Variants in CEP63 observed in about 807,000 individuals in gnomAD.
The protein encoded by CEP63 is centrosomal protein 63, also known as centrosomal protein of 63 kDa.
CEP63 carries 84 observed loss-of-function variants against 89.1 expected under a neutral mutation model. The ratio of observed to expected loss-of-function variants is 0.94; its 90% CI spans 0.79 to 1.13. CEP63 has a LOEUF of 1.13. Among genes scored for constraint, CEP63 ranks in the 50% most tolerant of loss-of-function variants. CEP63 has a pLI of 0.00. For missense variants in CEP63, 838 were observed against 813.3 expected (o/e 1.03, Z -0.37); for synonymous variants, 267 against 272.5 (o/e 0.98, Z 0.20).
At chr3:134,730,843 A>T in the CEP63 span, among the ~76,000 whole-genome samples, 1 of 152,120 alleles carries the variant, frequency 6.6e-6, no homozygotes, top group African/African-American at 2.4e-5. Context: ...AAATTTTAAA[A>T]CTCATTATAC....
At chr3:134,754,432 G>T in the CEP63 span, among the ~76,000 whole-genome samples, 1 of 152,214 alleles carries the variant, frequency 6.6e-6, no homozygotes, top group Non-Finnish European at 1.5e-5. Flanking sequence ...TGTGAGGAGG[G>T]TCTCCTCTTG....
chr3:134,547,561 T>TA (rs377327281), intron 9 of CEP63, 89 bp downstream of exon 9: 15,088 of 1,099,560 alleles, frequency 0.014, 138 homozygotes, highest in Non-Finnish European at 0.017. Context: ...ATAGTCATAG[T>TA]AAAAAAAATA....
chr3:134,537,273 G>T lies in CEP63; in HGVS notation c.555+5G>T. 2 of 1,564,136 alleles carry T rather than the reference G, an allele frequency of 1.3e-6. No individual in the cohort carries two copies. The highest frequency in any genetic ancestry group is 1.8e-6 in the Non-Finnish European group (2 of 1,134,250). On this transcript the variant is annotated splice_donor_5th_base_variant and intron_variant, in intron 6 of 14. Coordinates refer to ENST00000675561, the MANE Select transcript of CEP63 (RefSeq NM_001353108.3). The stretch of plus-strand genomic sequence containing the variant: ...GAACAATCAGAGATAATTCAGGTAG[G>T]CCTAAGACTTTTTAAAATAATGAGA...
chr3:134,508,136 T>G (rs1046092762), intron 3 of CEP63, among the ~76,000 whole-genome samples: 3 of 152,204 alleles, frequency 2.0e-5, no homozygotes, highest in Non-Finnish European at 4.4e-5. Context: ...TTGAGAAAAC[T>G]TATTAAGAAT....
chr3:134,761,605 C>A, the CEP63 span, among the ~76,000 whole-genome samples: 1 of 152,192 alleles, frequency 6.6e-6, no homozygotes, highest in African/African-American at 2.4e-5. Flanking sequence ...CCACTCGCCA[C>A]CCTGGGCAAT....
At chr3:134,618,673 G>A in the CEP63 span, among the ~76,000 whole-genome samples, 4 of 152,134 alleles carry the variant, frequency 2.6e-5, no homozygotes, top group Admixed American at 1.3e-4. Context: ...GGAGCCCAGC[G>A]ACTCCAAGAG....
At chr3:134,684,405 G>A in the CEP63 span, among the ~76,000 whole-genome samples, 1 of 152,210 alleles carries the variant, frequency 6.6e-6, no homozygotes, top group Admixed American at 6.5e-5. Context: ...CTTAAGCACA[G>A]GCTCCTTCCT....
the CEP63 span, chr3:134,651,375 G>C: frequency 1.8e-6 from 2 of 1,123,008 alleles, no homozygotes; most frequent in Non-Finnish European, 2.2e-6. Flanking sequence ...GAGGGTTCTC[G>C]AGAGGGCTGG....
At chr3:134,643,466 G>T in the CEP63 span, 1 of 1,163,622 alleles carries the variant, frequency 8.6e-7, no homozygotes, top group Non-Finnish European at 1.3e-6. Flanking sequence ...TGCGGGAAAG[G>T]TGGGCTGGCG....
the CEP63 span, among the ~76,000 whole-genome samples, chr3:134,681,574 G>T: frequency 6.6e-6 from 1 of 152,218 alleles, no homozygotes; most frequent in African/African-American, 2.4e-5. Context: ...AAGGACTACT[G>T]TGAAGCTATG....
chr3:134,502,960 AT>A (rs1942427960), intron 2 of CEP63, among the ~76,000 whole-genome samples: 1 of 151,978 alleles, frequency 6.6e-6, no homozygotes, highest in Non-Finnish European at 1.5e-5. Context: ...GAATTTTTTC[AT>A]ATCTGCCTTT....
At chr3:134,711,583 T>C in the CEP63 span, among the ~76,000 whole-genome samples, 51 of 152,300 alleles carry the variant, frequency 3.3e-4, no homozygotes, top group African/African-American at 1.1e-3. Flanking sequence ...TTTGAGACTC[T>C]GAATGTTTGA....
At chr3:134,637,322 T>C in the CEP63 span, among the ~76,000 whole-genome samples, 1 of 152,250 alleles carries the variant, frequency 6.6e-6, no homozygotes, top group Admixed American at 6.5e-5. Context: ...ATGGGCCTGT[T>C]CTTTTCCTTT....
At chr3:134,614,320 G>T in the CEP63 span, among the ~76,000 whole-genome samples, 2 of 152,010 alleles carry the variant, frequency 1.3e-5, no homozygotes, top group African/African-American at 2.4e-5. Context: ...CAGAATCTTC[G>T]CTTCTACTTT....
chr3:134,520,623 T>G (rs1947234596), intron 3 of CEP63, among the ~76,000 whole-genome samples: 1 of 152,128 alleles, frequency 6.6e-6, no homozygotes, highest in African/African-American at 2.4e-5. Context: ...GCACTTAGGG[T>G]ACTAGAAAAC....
the CEP63 span, among the ~76,000 whole-genome samples, chr3:134,593,560 C>T: frequency 6.6e-6 from 1 of 152,172 alleles, no homozygotes; most frequent in South Asian, 2.1e-4. Context: ...GGGGCTGAGC[C>T]ACAGGCTTCC....
chr3:134,759,185 C>A, the CEP63 span, among the ~76,000 whole-genome samples: 257 of 152,254 alleles, frequency 1.7e-3, 1 homozygote, highest in Non-Finnish European at 1.1e-3. Context: ...GTAACAAATC[C>A]GTGTTGTTTT....
At chr3:134,674,543 T>C in the CEP63 span, among the ~76,000 whole-genome samples, 1 of 152,216 alleles carries the variant, frequency 6.6e-6, no homozygotes, top group African/African-American at 2.4e-5. Context: ...CATGCATATC[T>C]GCTCTTACCA....
At position 134,559,235 on chromosome 3, in the gene CEP63, G is replaced by C; in HGVS notation, c.1759G>C (p.Asp587His). 1 of 1,614,126 alleles carries C rather than the reference G, an allele frequency of 6.2e-7. No individual in the cohort carries two copies. The highest frequency in any genetic ancestry group is 1.3e-5 in the African/African-American group (1 of 75,024). The change falls in exon 14 of 15, where the codon GAT becomes CAT. Residue 587 changes from aspartate to histidine, a missense_variant. Physicochemically the swap from Asp to His is moderately conservative, Grantham distance 81 (BLOSUM62 -1). Transcript: ENST00000675561. ...TCATTCTCCAAGAGGACAAGCGTCG[G>C]ATAGTATAAACCCCATGTCTAGGGT... ...DLHSPRGQAS[D>H]SINPMSRVLS... is the part of the protein sequence containing the mutation.
Sources: allele counts gnomAD v4.1 joint callset (sites outside exome capture counted in the v4.1 genomes callset), GRCh38; gene constraint gnomAD v4.1.1; transcripts MANE v1.5; gene names NCBI Gene and HGNC (gene_info 2026-07-23, HGNC 2026-07-21).